The following GRM1 variants were observed in gnomAD, a reference collection of about 807,000 sequenced individuals.
GRM1 encodes metabotropic glutamate receptor 1.
GRM1 carries 33 observed loss-of-function variants against 90.9 expected under a neutral mutation model. That is an observed-to-expected ratio of 0.36 (90% CI 0.28 to 0.49). The LOEUF is 0.49. GRM1 is among the 20% of genes least tolerant of loss of function. The pLI, the probability that GRM1 is intolerant of heterozygous loss-of-function variation, is 0.99. For synonymous variants in GRM1, 700 were observed against 613.2 expected (o/e 1.14, Z -2.09); for missense variants, 1,190 against 1,534.3 (o/e 0.78, Z 3.75).
intron 2 of GRM1, among the ~76,000 whole-genome samples, chr6:146,184,503 T>G (rs1290743264): frequency 6.6e-6 from 1 of 152,116 alleles, no homozygotes; most frequent in Non-Finnish European, 1.5e-5. Flanking sequence ...TATACTAAAT[T>G]TTATTCTCCT....
At position 146,399,346 on chromosome 6, in the gene GRM1, C is replaced by T. The variant is rs768556394; in HGVS notation, c.2307C>T (p.Tyr769=). The change falls in exon 7 of 8, where the codon TAC becomes TAT. Residue 769 remains tyrosine (Y), a synonymous_variant. Coordinates refer to ENST00000282753, the MANE Select transcript of GRM1 (RefSeq NM_001278064.2). The surrounding 1 kb of genome is among the most constrained non-coding windows in gnomAD (Gnocchi z 5.4). ...YNGLLIMSCT[Y]YAFKTRNVPA... ...GACTCCTCATCATGAGCTGTACCTA[C>T]TATGCCTTCAAGACCCGCAACGTGC... is the stretch of plus-strand genomic sequence containing the variant. 4 of 1,614,064 alleles carry T rather than the reference C, an allele frequency of 2.5e-6. No homozygotes were observed. Among genetic ancestry groups the T allele is most frequent in the Non-Finnish European group, 3.4e-6 (4 of 1,180,018 alleles).
At chr6:146,396,069 C>CATCTATCATCTATCTATCT (rs1776914871) in intron 6 of GRM1, among the ~76,000 whole-genome samples, 1 of 136,114 alleles carries the variant, frequency 7.3e-6, no homozygotes, top group Non-Finnish European at 1.6e-5. Context: ...ACCTATCCAT[C>CATCTATCATCTATCTATCT]ATCTATCTAT....
chr6:146,306,440 T>C (rs1783582607), intron 3 of GRM1, among the ~76,000 whole-genome samples: 1 of 152,162 alleles, frequency 6.6e-6, no homozygotes, highest in Admixed American at 6.5e-5. Context: ...CTAGACAACA[T>C]AGTGCCTATT....
chr6:146,313,761 G>A (rs2114949935), intron 3 of GRM1, among the ~76,000 whole-genome samples: 1 of 152,168 alleles, frequency 6.6e-6, no homozygotes, highest in East Asian at 1.9e-4. Context: ...CAATTTTGAT[G>A]TATGTATATG....
At chr6:146,362,688 A>G (rs2115067112) in intron 5 of GRM1, among the ~76,000 whole-genome samples, 1 of 144,648 alleles carries the variant, frequency 6.9e-6, no homozygotes, top group East Asian at 2.0e-4. Flanking sequence ...AAAAAAAAAG[A>G]CATTTCATCT....
intron 1 of GRM1, among the ~76,000 whole-genome samples, chr6:146,075,157 C>A (rs1330072012): frequency 6.6e-6 from 1 of 152,020 alleles, no homozygotes; most frequent in Non-Finnish European, 1.5e-5. Context: ...TTGCAAATAA[C>A]AAGGAGATAT....
chr6:146,030,642 A>G (rs543945273), intron 1 of GRM1, among the ~76,000 whole-genome samples: 71 of 152,284 alleles, frequency 4.7e-4, no homozygotes, highest in Admixed American at 2.8e-3. Flanking sequence ...CTATTCCACA[A>G]ATAGGACTTC....
chr6:146,163,900 C>T (rs1204892476), intron 2 of GRM1, among the ~76,000 whole-genome samples: 1 of 152,072 alleles, frequency 6.6e-6, no homozygotes, highest in African/African-American at 2.4e-5. Context: ...AACCTCTTTT[C>T]CAGCTCATTT....
intron 2 of GRM1, among the ~76,000 whole-genome samples, chr6:146,173,329 G>A (rs1166931025): frequency 2.0e-5 from 3 of 150,104 alleles, no homozygotes; most frequent in Admixed American, 6.7e-5. Flanking sequence ...GGCAGAGGTT[G>A]CAGTGAGCCG....
chr6:146,430,518 C>G (rs71566439), intron 7 of GRM1, among the ~76,000 whole-genome samples: 1 of 152,094 alleles, frequency 6.6e-6, no homozygotes, highest in Non-Finnish European at 1.5e-5. Context: ...ATTGCTTTTC[C>G]TAAGATTAGG....
At position 146,414,180 on chromosome 6, in the gene GRM1, G is replaced by A. The variant is rs978427772; in HGVS notation, c.2660+14481G>A. Among the ~76,000 whole-genome samples, 64 of 152,188 alleles carry A rather than the reference G, an allele frequency of 4.2e-4. 1 individual carries two copies. The highest frequency in any genetic ancestry group is 2.7e-3 in the Admixed American group (42 of 15,288). ...GCCTCCTACCAAGAATGTATGAGAC[G>A]CATTTGGTGTTGATAGTCTTTTAAA... is the stretch of plus-strand genomic sequence containing the variant. On this transcript the variant is annotated intron_variant, in intron 7 of 7. Transcript: ENST00000282753.
At chr6:146,140,624 A>G (rs1047775922) in intron 1 of GRM1, among the ~76,000 whole-genome samples, 2 of 152,204 alleles carry the variant, frequency 1.3e-5, no homozygotes, top group African/African-American at 2.4e-5. Context: ...ATATCTTATA[A>G]CCCATTATTT....
intron 2 of GRM1, among the ~76,000 whole-genome samples, chr6:146,210,235 T>C (rs191621274): frequency 6.6e-6 from 1 of 152,276 alleles, no homozygotes; most frequent in Admixed American, 6.5e-5. Context: ...AGCTTTGCAA[T>C]TTGTCCAAAA....
At chr6:146,047,232 C>A (rs375032632) in intron 1 of GRM1, among the ~76,000 whole-genome samples, 1 of 151,832 alleles carries the variant, frequency 6.6e-6, no homozygotes. Flanking sequence ...AAATTTCTAC[C>A]AAAGACTGAT....
intron 5 of GRM1, among the ~76,000 whole-genome samples, chr6:146,383,280 A>G (rs1776385486): frequency 6.6e-6 from 1 of 152,172 alleles, no homozygotes; most frequent in Non-Finnish European, 1.5e-5. Context: ...TGCAGAATCT[A>G]CTTTCACCAG....
chr6:146,270,855 TTC>T (rs1272518909), intron 2 of GRM1, among the ~76,000 whole-genome samples: 2 of 46,084 alleles, frequency 4.3e-5, no homozygotes, highest in South Asian at 9.8e-4. Flanking sequence ...TTCTTTTTCT[TTC>T]TTTCTTTCTT....
At chr6:146,248,734 AAC>A (rs545765882) in intron 2 of GRM1, among the ~76,000 whole-genome samples, 7 of 152,186 alleles carry the variant, frequency 4.6e-5, no homozygotes, top group Non-Finnish European at 7.3e-5. Flanking sequence ...CAGAGATTGA[AAC>A]AGTTTGGAGG....
At chr6:146,407,090 C>A in intron 7 of GRM1, among the ~76,000 whole-genome samples, 1 of 152,178 alleles carries the variant, frequency 6.6e-6, no homozygotes, top group Non-Finnish European at 1.5e-5. Context: ...TTCTCACTTC[C>A]TGAAAGATGC....
At chr6:146,358,367 T>C (rs1319309064) in intron 5 of GRM1, among the ~76,000 whole-genome samples, 1 of 152,202 alleles carries the variant, frequency 6.6e-6, no homozygotes, top group East Asian at 1.9e-4. Context: ...ACACTCTCTG[T>C]ATCCCAGGCT....
Sources: gnomAD v4.1 joint callset for allele counts (sites outside exome capture counted in the v4.1 genomes callset) on GRCh38, gnomAD v4.1.1 for gene constraint, Gnocchi (gnomAD v3.1) non-coding constraint, MANE v1.5 for transcripts, NCBI Gene and HGNC (gene_info 2026-07-23, HGNC 2026-07-21) for gene names.